The following PPA1 variants were observed in gnomAD, a reference collection of about 807,000 sequenced individuals.
PPA1 encodes inorganic pyrophosphatase 1.
In PPA1, 23 loss-of-function variants were observed where a neutral mutation model predicts 41.8. The ratio of observed to expected loss-of-function variants is 0.55; its 90% CI spans 0.40 to 0.78. PPA1 has a LOEUF of 0.78. Among genes scored for constraint, PPA1 ranks in the 30% least tolerant of loss-of-function variants. The pLI, the probability that PPA1 is intolerant of heterozygous loss-of-function variation, is 0.00. For missense variants in PPA1, 320 were observed against 361.6 expected, an observed-to-expected ratio of 0.89 and a Z score of 0.93; for synonymous variants, 101 against 116.8, an observed-to-expected ratio of 0.86 and a Z score of 0.87.
Position 70,209,702 on chromosome 10 carries a change from C to T in PPA1, c.512-17G>A, listed in dbSNP as rs1348789798. 6.4e-7 allele frequency: 1 copy of T among 1,567,802 alleles called. No homozygotes were observed. Among genetic ancestry groups the T allele is most frequent in the South Asian group, 1.2e-5 (1 of 85,516 alleles). On this transcript the variant is annotated splice_polypyrimidine_tract_variant and intron_variant, in intron 6 of 10. Transcript: ENST00000373232. The stretch of plus-strand genomic sequence containing the variant: ...CATTGATATCTAAGAAGAGAAGAAG[C>T]ATAAGATGACAGTGAGAATGATTTT...
intron 2 of PPA1, among the ~76,000 whole-genome samples, chr10:70,219,624 C>T (rs1840113713): frequency 6.6e-6 from 1 of 152,116 alleles, no homozygotes; most frequent in Non-Finnish European, 1.5e-5. Context: ...AGGACTTTGA[C>T]CTTGAAGATA....
At chr10:70,226,804 G>T (rs1366553704) in intron 2 of PPA1, among the ~76,000 whole-genome samples, 2 of 152,082 alleles carry the variant, frequency 1.3e-5, no homozygotes, top group Non-Finnish European at 2.9e-5. Context: ...ATAATATTCT[G>T]TTAAGTTTCT....
At chr10:70,209,132 C>A in intron 8 of PPA1, 73 bp downstream of exon 8, 1 of 1,117,536 alleles carries the variant, frequency 8.9e-7, no homozygotes, top group Non-Finnish European at 1.3e-6. Flanking sequence ...AGTACAGTGT[C>A]TTATGATTAT....
intron 2 of PPA1, among the ~76,000 whole-genome samples, chr10:70,229,598 G>A (rs1020214898): frequency 6.8e-6 from 1 of 147,484 alleles, no homozygotes; most frequent in African/African-American, 2.7e-5. Context: ...TATCTTAACT[G>A]TGCAAATCTT....
chr10:70,228,165 A>T lies in PPA1; in HGVS notation c.123+2176T>A, dbSNP rs556901326. 6.6e-5 allele frequency among the ~76,000 whole-genome samples: 10 copies of T among 152,336 alleles called. No homozygotes were observed. The South Asian group carries it at 1.4e-3, about 22-fold the overall frequency. On this transcript the variant is annotated intron_variant, in intron 2 of 10. Transcript: ENST00000373232. ...AGCTGGGACAGGGCGTGCCAAGGGC[A>T]GAGTCTTCCTTTGAGTAATCCACTT...
intron 2 of PPA1, among the ~76,000 whole-genome samples, chr10:70,227,040 T>TA (rs1362467465): frequency 6.6e-6 from 1 of 152,248 alleles, no homozygotes; most frequent in Non-Finnish European, 1.5e-5. Flanking sequence ...TTGAGCACTT[T>TA]AAGATTTAGA....
chr10:70,233,313 G>T lies in PPA1; in HGVS notation c.15C>A (p.Ser5Arg). MSGF[S>R]TEERAAPFSL... ...AGAAGGGCGCGGCGCGCTCCTCGGT[G>T]CTGAAGCCGCTCATAGTGCCGGAGT... is the stretch of plus-strand genomic sequence containing the variant. The change falls in exon 1 of 11, where the codon AGC (serine) becomes AGA (arginine). Residue 5 changes from serine to arginine, a missense_variant. By Grantham distance (110) the Ser-to-Arg change is moderately radical. Transcript: ENST00000373232. 1 of 1,540,342 alleles carries T rather than the reference G, an allele frequency of 6.5e-7. No homozygotes were observed.
chr10:70,232,668 G>C (rs1175489803), intron 1 of PPA1, among the ~76,000 whole-genome samples: 1 of 152,196 alleles, frequency 6.6e-6, no homozygotes, highest in East Asian at 1.9e-4. Flanking sequence ...TCGGCGCTGA[G>C]GGAAAACAGG....
At chr10:70,220,525 G>T in intron 2 of PPA1, among the ~76,000 whole-genome samples, 1 of 71,296 alleles carries the variant, frequency 1.4e-5, no homozygotes, top group Non-Finnish European at 2.5e-5. Context: ...AATTATATAT[G>T]TATTATATAT....
chr10:70,221,055 A>G lies in PPA1; in HGVS notation c.124-2238T>C, dbSNP rs1215047975. 7.9e-4 allele frequency among the ~76,000 whole-genome samples: 33 copies of G among 41,674 alleles called. 2 individuals carry two copies. The highest frequency in any genetic ancestry group is 2.3e-3 in the Admixed American group (5 of 2,166). 27.3% of individuals were successfully genotyped at this position (41,674 alleles called of 152,430 possible). On this transcript the variant is annotated intron_variant, in intron 2 of 10. Coordinates refer to ENST00000373232, the MANE Select transcript of PPA1 (RefSeq NM_021129.4). ...ATATATATAAATTATATATATATAT[A>G]ATTTATATATATATATATATATTTT...
chr10:70,215,496 C>T (rs1328307920), intron 4 of PPA1, among the ~76,000 whole-genome samples: 1 of 150,312 alleles, frequency 6.7e-6, no homozygotes, highest in Non-Finnish European at 1.5e-5. Flanking sequence ...TCTTTTTTTG[C>T]GACAGAGTCT....
intron 2 of PPA1, among the ~76,000 whole-genome samples, chr10:70,229,753 G>T (rs183963138): frequency 8.6e-5 from 13 of 151,742 alleles, no homozygotes; most frequent in Non-Finnish European, 1.9e-4. Flanking sequence ...TACGACTTTA[G>T]TTCCAAATAC....
At chr10:70,217,203 A>C (rs1206905056) in intron 4 of PPA1, among the ~76,000 whole-genome samples, 1 of 152,172 alleles carries the variant, frequency 6.6e-6, no homozygotes, top group Non-Finnish European at 1.5e-5. Flanking sequence ...TGACTACTTA[A>C]GAAAACATGA....
At chr10:70,220,128 C>A (rs1840120887) in intron 2 of PPA1, among the ~76,000 whole-genome samples, 1 of 151,782 alleles carries the variant, frequency 6.6e-6, no homozygotes, top group Non-Finnish European at 1.5e-5. Context: ...TGGAGTTTCG[C>A]CATGTTGGCC....
intron 5 of PPA1, among the ~76,000 whole-genome samples, chr10:70,213,962 C>T (rs1426936522): frequency 2.6e-5 from 4 of 152,136 alleles, no homozygotes; most frequent in African/African-American, 9.7e-5. Flanking sequence ...CATACGATGA[C>T]TCAAAAACTT....
chr10:70,214,622 A>C (rs1202932082), intron 4 of PPA1, 36 bp from the exon 5 acceptor site: 1 of 1,497,626 alleles, frequency 6.7e-7, no homozygotes, highest in Non-Finnish European at 9.2e-7. Flanking sequence ...ATTCCTATAC[A>C]TACTGACAAA....
intron 6 of PPA1, among the ~76,000 whole-genome samples, chr10:70,211,859 A>T (rs1840024416): frequency 6.6e-6 from 1 of 152,256 alleles, no homozygotes; most frequent in Non-Finnish European, 1.5e-5. Flanking sequence ...TAGTGAACAG[A>T]TGGTGTGAAT....
chr10:70,226,987 A>G (rs1840236535), intron 2 of PPA1, among the ~76,000 whole-genome samples: 1 of 152,250 alleles, frequency 6.6e-6, no homozygotes, highest in African/African-American at 2.4e-5. Flanking sequence ...TATGGAATAG[A>G]AAAATATCTG....
intron 2 of PPA1, among the ~76,000 whole-genome samples, chr10:70,224,806 C>A (rs10823496): frequency 6.6e-6 from 1 of 152,072 alleles, no homozygotes. Context: ...TCTCGGCTCA[C>A]TGCAACCTCC....
Sources: gnomAD v4.1 joint callset for allele counts (sites outside exome capture counted in the v4.1 genomes callset) on GRCh38, gnomAD v4.1.1 for gene constraint, MANE v1.5 for transcripts, NCBI Gene and HGNC (gene_info 2026-07-23, HGNC 2026-07-21) for gene names.